Variants in GSDME observed in about 807,000 individuals in gnomAD.
The protein encoded by GSDME is gasdermin-E.
A neutral mutation model predicts 47.5 loss-of-function variants in GSDME; 44 were observed. The ratio of observed to expected loss-of-function variants is 0.93; its 90% CI spans 0.73 to 1.19. The LOEUF is 1.19. GSDME is among the 50% of genes most tolerant of loss of function. The pLI is 0.00. For missense variants in GSDME, 663 were observed against 604.2 expected (o/e 1.10, Z -1.02); for synonymous variants, 258 against 252.8 (o/e 1.02, Z -0.20).
At position 24,744,674 on chromosome 7, in the gene GSDME, T is replaced by TC. The variant is rs748866079; in HGVS notation, c.291dup (p.Lys98GlufsTer56). On this transcript the variant is annotated frameshift_variant, in exon 3 of 10. Transcript: ENST00000645220. LOFTEE classifies it high-confidence loss of function. The surrounding 1 kb of genome is among the most constrained non-coding windows in gnomAD (Gnocchi z 4.5). ...CTGCCCCCCAGGTTCAGCTTGACCT[T>TC]CCCCAGTGCAGTCTCCAGGGTTCCA... 6.2e-7 allele frequency: 1 copy of TC among 1,614,146 alleles called. No homozygotes were observed. Among genetic ancestry groups the TC allele is most frequent in the South Asian group, 1.1e-5 (1 of 91,084 alleles).
intron 1 of GSDME, among the ~76,000 whole-genome samples, chr7:24,750,400 T>G (rs1490253338): frequency 6.6e-6 from 1 of 152,178 alleles, no homozygotes; most frequent in Non-Finnish European, 1.5e-5. Flanking sequence ...GAGGATTGCT[T>G]GAGTCCAGGA....
rs1790746002 is a variant in GSDME, at chr7:24,748,325, A to G, written c.211+1239T>C. Reference sequence around the variant, plus strand: ...CAGGTGCCTACCACCTTGCCCGGCTAATTTTTATATTTTTAGTAGAGATGG... The same window carrying G: ...CAGGTGCCTACCACCTTGCCCGGCTGATTTTTATATTTTTAGTAGAGATGG... On this transcript the variant is annotated intron_variant, in intron 2 of 9. Transcript: ENST00000645220. 2.6e-5 allele frequency among the ~76,000 whole-genome samples: 4 copies of G among 151,632 alleles called. No homozygotes were observed. In the South Asian group the frequency reaches 8.4e-4, roughly 32 times the overall value.
At chr7:24,701,739 T>C (rs928997287) in intron 9 of GSDME, among the ~76,000 whole-genome samples, 1 of 152,228 alleles carries the variant, frequency 6.6e-6, no homozygotes, top group East Asian at 1.9e-4. Context: ...TGCTGGCACA[T>C]TTTCAAGTAG....
intron 5 of GSDME, among the ~76,000 whole-genome samples, chr7:24,715,106 G>A (rs748557249): frequency 1.2e-4 from 18 of 152,102 alleles, no homozygotes; most frequent in Non-Finnish European, 2.1e-4. Context: ...AATGACCCAG[G>A]CACAAAAAGA....
At chr7:24,713,976 A>G (rs1161856104) in intron 5 of GSDME, among the ~76,000 whole-genome samples, 1 of 152,190 alleles carries the variant, frequency 6.6e-6, no homozygotes, top group Non-Finnish European at 1.5e-5. Flanking sequence ...GAGGTGGGGA[A>G]GCAGGGAGAT....
chr7:24,793,333 A>C, the GSDME span, among the ~76,000 whole-genome samples: 1 of 152,196 alleles, frequency 6.6e-6, no homozygotes, highest in East Asian at 1.9e-4. Flanking sequence ...TCACAGAAAA[A>C]CTGGATGATA....
intron 6 of GSDME, among the ~76,000 whole-genome samples, chr7:24,708,853 G>C (rs1310208740): frequency 6.6e-6 from 1 of 152,224 alleles, no homozygotes; most frequent in African/African-American, 2.4e-5. Context: ...TCTGCAGGAT[G>C]CTTAGGGGCC....
At chr7:24,794,215 CCT>C in the GSDME span, among the ~76,000 whole-genome samples, 1 of 151,658 alleles carries the variant, frequency 6.6e-6, no homozygotes, top group African/African-American at 2.4e-5. Flanking sequence ...TCTTTGACTT[CCT>C]CTTTGTCTCT....
rs1001821 is a variant in GSDME, at chr7:24,756,922, C to G, written c.-20+474G>C. Reference sequence around the variant, plus strand: ...TTTTTCCGTCCAGAGAGACTGAACTCCGTATCTGTTCCGCGGTCCGCCTCC... The same window carrying G: ...TTTTTCCGTCCAGAGAGACTGAACTGCGTATCTGTTCCGCGGTCCGCCTCC... On this transcript the variant is annotated intron_variant, in intron 1 of 9. Coordinates refer to ENST00000645220, the MANE Select transcript of GSDME (RefSeq NM_001127453.2). This position sits in a 1 kb window ranked among gnomAD's most constrained non-coding sequence, Gnocchi z 4.2. 0.28 allele frequency among the ~76,000 whole-genome samples: 42,933 copies of G among 151,994 alleles called. 8,088 individuals are homozygous for G. Among genetic ancestry groups the G allele is most frequent in the African/African-American group, 0.53 (22,097 of 41,432 alleles).
the GSDME span, among the ~76,000 whole-genome samples, chr7:24,776,623 A>G: frequency 6.6e-6 from 1 of 152,216 alleles, no homozygotes; most frequent in Non-Finnish European, 1.5e-5. Flanking sequence ...TTAAAATTAA[A>G]TCCTTAATGG....
chr7:24,757,115 G>A lies in GSDME; in HGVS notation c.-20+281C>T, dbSNP rs1385254148. ...GAAGTGGCAGCGGGGACGGGGAGAG[G>A]ATGGGAAGGGGATGCTGACTGCGAG... On this transcript the variant is annotated intron_variant, in intron 1 of 9. Coordinates refer to ENST00000645220, the MANE Select transcript of GSDME (RefSeq NM_001127453.2). This position sits in a 1 kb window ranked among gnomAD's most constrained non-coding sequence, Gnocchi z 5.9. Among the ~76,000 whole-genome samples, 1 of 152,166 alleles carries A rather than the reference G, an allele frequency of 6.6e-6. No individual in the cohort carries two copies. Among genetic ancestry groups the A allele is most frequent in the Non-Finnish European group, 1.5e-5 (1 of 68,008 alleles).
chr7:24,710,137 C>T lies in GSDME; in HGVS notation c.862+87G>A, dbSNP rs1017947002. On this transcript the variant is annotated intron_variant, in intron 6 of 9. Transcript: ENST00000645220. ...TGTTTTCTGTGAGTCACTGAGGGGTCACTGATGCTGAAGGCCACACCACCT... is the reference window on the plus strand; with the variant it reads ...TGTTTTCTGTGAGTCACTGAGGGGTTACTGATGCTGAAGGCCACACCACCT... 49 of 1,068,428 alleles carry T rather than the reference C, an allele frequency of 4.6e-5. 1 individual carries two copies. The South Asian group carries it at 5.3e-4, about 12-fold the overall frequency. The allele number at this position is 1,068,428 out of a possible 1,614,324, so 66.2% of individuals were successfully genotyped here.
At chr7:24,743,628 G>GC (rs1301205322) in intron 3 of GSDME, among the ~76,000 whole-genome samples, 1 of 151,990 alleles carries the variant, frequency 6.6e-6, no homozygotes, top group Admixed American at 6.6e-5. Context: ...GGGACTTGGC[G>GC]CCCCACCCCT....
In GSDME at chr7:24,733,966, G is replaced by A. The variant is rs1052511625; in HGVS notation, c.404+10596C>T. On this transcript the variant is annotated intron_variant, in intron 3 of 9. Transcript: ENST00000645220. This position sits in a 1 kb window ranked among gnomAD's most constrained non-coding sequence, Gnocchi z 4.3. ...AGTAGCCAGGTAGTGGTTACAACAG[G>A]CCTTAGGCAAGATCCAGAGCTGTGG... Among the ~76,000 whole-genome samples, 3 of 152,190 alleles carry A rather than the reference G, an allele frequency of 2.0e-5. No homozygotes were observed. The highest frequency in any genetic ancestry group is 7.2e-5 in the African/African-American group (3 of 41,446).
the GSDME span, among the ~76,000 whole-genome samples, chr7:24,773,659 C>G: frequency 6.6e-6 from 1 of 152,178 alleles, no homozygotes; most frequent in Admixed American, 6.5e-5. This position sits in a 1 kb window ranked among gnomAD's most constrained non-coding sequence, Gnocchi z 5.4. Flanking sequence ...TTTCTAAGAG[C>G]CTGTGTCTTC....
At chr7:24,741,236 G>C (rs1279075542) in intron 3 of GSDME, among the ~76,000 whole-genome samples, 1 of 152,174 alleles carries the variant, frequency 6.6e-6, no homozygotes, top group Non-Finnish European at 1.5e-5. Flanking sequence ...ACTTATGGTA[G>C]TGACAAATGG....
chr7:24,699,100 C>A lies in GSDME; in HGVS notation c.1417G>T (p.Asp473Tyr). ...KSSVKAVILK[D>Y]SKVFPLLLCI... is the part of the protein sequence containing the mutation. ...AGAAGCAGTGGGAAGACTTTAGAGT[C>A]CTTCAGAATGACAGCTTTCACAGAT... The change falls in exon 10 of 10, where the codon GAC becomes TAC. Residue 473 changes from aspartate (D) to tyrosine (Y), a missense_variant. Asp to Tyr is a radical substitution (Grantham distance 160). Transcript: ENST00000645220. The A allele has an allele frequency of 6.2e-7, 1 of 1,614,118 alleles. No homozygotes were observed. Among genetic ancestry groups the A allele is most frequent in the Non-Finnish European group, 8.5e-7 (1 of 1,180,014 alleles).
intron 9 of GSDME, among the ~76,000 whole-genome samples, chr7:24,700,238 C>T (rs765096187): frequency 6.6e-6 from 1 of 152,170 alleles, no homozygotes; most frequent in Admixed American, 6.5e-5. Flanking sequence ...GCCTACAACA[C>T]AGACACTCAA....
At position 24,745,392 on chromosome 7, in the gene GSDME, T is replaced by G. The variant is rs544537450; in HGVS notation, c.212-638A>C. On this transcript the variant is annotated intron_variant, in intron 2 of 9. Transcript: ENST00000645220. This position sits in a 1 kb window ranked among gnomAD's most constrained non-coding sequence, Gnocchi z 4.4. Reference sequence around the variant, plus strand: ...CAATCCCCTGGCCCTTATTACCATCTCCAGTCAAATTATTCCCTTCCCATA... The same window carrying G: ...CAATCCCCTGGCCCTTATTACCATCGCCAGTCAAATTATTCCCTTCCCATA... Among the ~76,000 whole-genome samples the G allele has an allele frequency of 1.3e-5, 2 of 152,228 alleles. No individual in the cohort carries two copies. Among genetic ancestry groups the G allele is most frequent in the South Asian group, 4.1e-4 (2 of 4,820 alleles).
Sources: gnomAD v4.1 joint callset for allele counts (sites outside exome capture counted in the v4.1 genomes callset) on GRCh38, gnomAD v4.1.1 for gene constraint, Gnocchi (gnomAD v3.1) non-coding constraint, MANE v1.5 for transcripts, NCBI Gene and HGNC (gene_info 2026-07-23, HGNC 2026-07-21) for gene names.